LEMD3: variants seen among roughly 807,000 people sequenced by gnomAD.
The protein encoded by LEMD3 is LEM domain containing 3.
In LEMD3, 33 loss-of-function variants were observed where a neutral mutation model predicts 95.2. That is an observed-to-expected ratio of 0.35 (90% CI 0.26 to 0.46). LEMD3 has a LOEUF of 0.46. LEMD3 is among the 20% of genes least tolerant of loss of function. The probability of loss-of-function intolerance (pLI) is 1.00; values close to 1 mark genes in which losing one functional copy is unlikely to be tolerated. For synonymous variants in LEMD3, 525 were observed against 474.6 expected, an observed-to-expected ratio of 1.11 and a Z score of -1.38; for missense variants, 1,210 against 1,192.8, an observed-to-expected ratio of 1.01 and a Z score of -0.21.
chr12:65,224,445 G>GA (rs1870387824), intron 4 of LEMD3, among the ~76,000 whole-genome samples: 1 of 152,116 alleles, frequency 6.6e-6, no homozygotes, highest in South Asian at 2.1e-4. Context: ...ATATTAAATG[G>GA]AAAATTCCAG....
intron 2 of LEMD3, among the ~76,000 whole-genome samples, chr12:65,213,539 A>C (rs1366416147): frequency 3.9e-5 from 6 of 152,146 alleles, no homozygotes; most frequent in Non-Finnish European, 7.4e-5. Flanking sequence ...ATAAATTTTC[A>C]TTGGAAAGAT....
chr12:65,238,537 T>C lies in LEMD3; in HGVS notation c.1731T>C (p.Thr577=), dbSNP rs1870838921. ...LGPEYEGIFN[T]SLQWILENGK... is the part of the protein sequence containing the mutation. The stretch of plus-strand genomic sequence containing the variant: ...CTGAATATGAAGGTATATTTAACAC[T>C]TCATTGCAGTGGATCTTAGAAAATG... Residue 577 remains threonine (T), a synonymous_variant, in exon 5 of 13, where the codon ACT becomes ACC. Transcript: ENST00000308330. 6.2e-7 allele frequency: 1 copy of C among 1,610,506 alleles called. No individual in the cohort carries two copies. The highest frequency in any genetic ancestry group is 8.5e-7 in the Non-Finnish European group (1 of 1,176,896).
At chr12:65,246,117 T>C in intron 12 of LEMD3, 45 bp from the exon 13 acceptor site, 1 of 1,476,616 alleles carries the variant, frequency 6.8e-7, no homozygotes, top group Non-Finnish European at 9.4e-7. Context: ...CTGCAAATAT[T>C]AAACAGTTTT....
At chr12:65,219,516 G>A (rs1363158024) in intron 4 of LEMD3, among the ~76,000 whole-genome samples, 2 of 152,124 alleles carry the variant, frequency 1.3e-5, no homozygotes, top group African/African-American at 4.8e-5. Context: ...TTTGAACGTG[G>A]ACAAGTCATG....
At chr12:65,228,383 A>ATTAT (rs1359085937) in intron 4 of LEMD3, among the ~76,000 whole-genome samples, 1 of 144,864 alleles carries the variant, frequency 6.9e-6, no homozygotes, top group African/African-American at 2.6e-5. Context: ...TATTATTGTT[A>ATTAT]TTATTTATTT....
At chr12:65,213,087 AAGATAGAT>A (rs147534273) in intron 2 of LEMD3, among the ~76,000 whole-genome samples, 3,597 of 151,998 alleles carry the variant, frequency 0.024, 161 homozygotes, top group African/African-American at 0.082. Flanking sequence ...CAAGACTGTA[AAGATAGAT>A]AGATAGATAG....
At chr12:65,214,848 C>G (rs781517440) in intron 2 of LEMD3, among the ~76,000 whole-genome samples, 2 of 152,036 alleles carry the variant, frequency 1.3e-5, no homozygotes, top group Non-Finnish European at 2.9e-5. Flanking sequence ...TCATTTATGT[C>G]GATCCCTCCT....
rs893716012 is a variant in LEMD3 at position 65,240,942 on chromosome 12, T to C, written c.2160T>C (p.Val720=). The change falls in exon 9 of 13, where the codon GTT becomes GTC. Residue 720 remains valine, a synonymous_variant. Coordinates refer to ENST00000308330, the MANE Select transcript of LEMD3 (RefSeq NM_014319.5). ...KKMKKVWDRA[V]DFLAANESRV... is the part of the protein sequence containing the mutation. Reference sequence around the variant, plus strand: ...TGAAGAAAGTCTGGGATAGAGCTGTTGACTTCCTTGCTGCTAATGAGTCTA... The same window carrying C: ...TGAAGAAAGTCTGGGATAGAGCTGTCGACTTCCTTGCTGCTAATGAGTCTA... 6.2e-7 allele frequency: 1 copy of C among 1,613,950 alleles called. No homozygotes were observed. The highest frequency in any genetic ancestry group is 1.3e-5 in the African/African-American group (1 of 74,924).
intron 2 of LEMD3, among the ~76,000 whole-genome samples, chr12:65,212,126 A>G (rs1272290857): frequency 6.6e-6 from 1 of 152,114 alleles, no homozygotes; most frequent in Non-Finnish European, 1.5e-5. Flanking sequence ...GCAACAGAAT[A>G]TATGCAGGGC....
intron 1 of LEMD3, among the ~76,000 whole-genome samples, chr12:65,199,741 G>GT (rs1001357421): frequency 2.0e-5 from 3 of 151,736 alleles, no homozygotes; most frequent in African/African-American, 7.3e-5. Flanking sequence ...CCATGTGCAA[G>GT]TTTTTTTTAT....
At chr12:65,241,133 CA>C in intron 9 of LEMD3, 46 bp downstream of exon 9, 1 of 1,509,222 alleles carries the variant, frequency 6.6e-7, no homozygotes, top group East Asian at 2.3e-5. Flanking sequence ...TCTAATTTTT[CA>C]AAATGACAAA....
chr12:65,189,710 G>A (rs1191394919), intron 1 of LEMD3, among the ~76,000 whole-genome samples: 4 of 152,148 alleles, frequency 2.6e-5, no homozygotes, highest in African/African-American at 7.2e-5. Context: ...TTGCAAAATA[G>A]GTCTAGTCTC....
intron 6 of LEMD3, 105 bp from the exon 7 acceptor site, chr12:65,239,824 C>T: frequency 1.4e-6 from 1 of 732,966 alleles, no homozygotes; most frequent in Non-Finnish European, 2.4e-6. Flanking sequence ...ATTCAGCCAT[C>T]TGTCTTGAAG....
intron 1 of LEMD3, among the ~76,000 whole-genome samples, chr12:65,189,462 A>G (rs1425295362): frequency 3.9e-5 from 6 of 152,178 alleles, no homozygotes; most frequent in African/African-American, 1.4e-4. Flanking sequence ...GGTTATGGCA[A>G]TGGGCATTTT....
rs539852599 is a variant in LEMD3 at position 65,242,730 on chromosome 12, A to C, written c.2306-658A>C. 1.2e-3 allele frequency among the ~76,000 whole-genome samples: 190 copies of C among 152,214 alleles called. 2 individuals carry two copies. The highest frequency in any genetic ancestry group is 4.4e-3 in the African/African-American group (184 of 41,524). On this transcript the variant is annotated intron_variant, in intron 9 of 12. Transcript: ENST00000308330. ...CTTAGACAACTATAATATAATAATA[A>C]CCTTCTAACTGGTCATCTTGCATTC...
At chr12:65,206,746 A>G (rs1869775188) in intron 1 of LEMD3, among the ~76,000 whole-genome samples, 2 of 152,020 alleles carry the variant, frequency 1.3e-5, no homozygotes, top group Admixed American at 6.6e-5. Context: ...TTTTGAAGAG[A>G]ATTTTTTTCC....
chr12:65,175,057 G>A (rs1592428017), intron 1 of LEMD3, among the ~76,000 whole-genome samples: 1 of 152,098 alleles, frequency 6.6e-6, no homozygotes, highest in Admixed American at 6.6e-5. Flanking sequence ...TGTGTTGAAG[G>A]ACCAAAAAGA....
At chr12:65,187,827 G>C (rs1185392144) in intron 1 of LEMD3, among the ~76,000 whole-genome samples, 1 of 152,106 alleles carries the variant, frequency 6.6e-6, no homozygotes, top group Non-Finnish European at 1.5e-5. Flanking sequence ...ACTATCAGCA[G>C]CTCTAGGGAA....
Position 65,247,021 on chromosome 12 carries a change from T to G in LEMD3, c.*696T>G, listed in dbSNP as rs1871133134. ...TAATGTGTGTGTATATATGTATGTG[T>G]GTATGTGTGTGTATATATAGATGTA... On this transcript the variant is annotated 3_prime_UTR_variant, in exon 13 of 13. Transcript: ENST00000308330. 6.5e-6 allele frequency: 1 copy of G among 152,990 alleles called. No homozygotes were observed. 9.5% of individuals were successfully genotyped at this position (152,990 alleles called of 1,614,324 possible).
Sources: gnomAD v4.1 joint callset for allele counts (sites outside exome capture counted in the v4.1 genomes callset) on GRCh38, gnomAD v4.1.1 for gene constraint, MANE v1.5 for transcripts, NCBI Gene and HGNC (gene_info 2026-07-23, HGNC 2026-07-21) for gene names.